FSTL5: variants seen among roughly 807,000 people sequenced by gnomAD.
FSTL5 encodes the protein follistatin like 5.
A neutral mutation model predicts 89.1 loss-of-function variants in FSTL5; 62 were observed. The observed-to-expected ratio is 0.70, with a 90% CI of 0.57 to 0.86. The LOEUF (loss-of-function observed/expected upper bound fraction) is 0.86, where lower values mean the gene tolerates loss of function less well. FSTL5 is among the 40% of genes least tolerant of loss of function. The probability of loss-of-function intolerance (pLI) is 0.00; values close to 1 mark genes in which losing one functional copy is unlikely to be tolerated. For synonymous variants in FSTL5, 383 were observed against 346.2 expected, an observed-to-expected ratio of 1.11 and a Z score of -1.18; for missense variants, 1,057 against 1,001.6, an observed-to-expected ratio of 1.06 and a Z score of -0.75.
chr4:161,728,014 C>T (rs1739477800), intron 6 of FSTL5, among the ~76,000 whole-genome samples: 1 of 152,046 alleles, frequency 6.6e-6, no homozygotes, highest in Non-Finnish European at 1.5e-5. Context: ...ATGGAAAAGT[C>T]CAAATGTGTT....
At chr4:161,879,967 T>C (rs1462332597) in intron 4 of FSTL5, among the ~76,000 whole-genome samples, 1 of 152,216 alleles carries the variant, frequency 6.6e-6, no homozygotes, top group Non-Finnish European at 1.5e-5. Flanking sequence ...CTCTTAAATG[T>C]TAATTTGAAT....
intron 12 of FSTL5, among the ~76,000 whole-genome samples, chr4:161,494,533 C>A (rs1729998070): frequency 6.6e-6 from 1 of 152,172 alleles, no homozygotes; most frequent in Admixed American, 6.6e-5. Flanking sequence ...AATTTCTAAT[C>A]TCAGTTTCAA....
chr4:161,775,997 G>T lies in FSTL5; in HGVS notation c.487C>A (p.Gln163Lys). The T allele has an allele frequency of 6.3e-6, 10 of 1,594,910 alleles. No homozygotes were observed. Among genetic ancestry groups the T allele is most frequent in the Non-Finnish European group, 8.6e-6 (10 of 1,166,348 alleles). Residue 163 changes from glutamine (Q) to lysine (K), a missense_variant, in exon 5 of 16, where the codon CAA becomes AAA. Transcript: ENST00000306100. ...TCGCCATTAGGATTTTCATTTTCTTGCATAATATATTTTTGATTTTGTAAA... is the reference window on the plus strand; with the variant it reads ...TCGCCATTAGGATTTTCATTTTCTTTCATAATATATTTTTGATTTTGTAAA... ...LDLQNQKYIM[Q>K]ENENPNGDDI... is the part of the protein sequence containing the mutation.
At chr4:161,547,243 T>C (rs1265393389) in intron 8 of FSTL5, among the ~76,000 whole-genome samples, 2 of 152,012 alleles carry the variant, frequency 1.3e-5, no homozygotes, top group Non-Finnish European at 2.9e-5. Context: ...AACATGTTGA[T>C]TGAAATCTCA....
At chr4:161,978,167 T>C in intron 3 of FSTL5, among the ~76,000 whole-genome samples, 1 of 152,314 alleles carries the variant, frequency 6.6e-6, no homozygotes, top group East Asian at 1.9e-4. Context: ...CAAATCATAA[T>C]AATTTTCTAG....
intron 1 of FSTL5, among the ~76,000 whole-genome samples, chr4:162,155,928 T>C (rs1733451428): frequency 6.6e-6 from 1 of 152,144 alleles, no homozygotes; most frequent in African/African-American, 2.4e-5. Context: ...ATGTAAAAAT[T>C]AGAGATCTAA....
At chr4:161,825,048 T>A (rs1730623603) in intron 4 of FSTL5, among the ~76,000 whole-genome samples, 1 of 152,176 alleles carries the variant, frequency 6.6e-6, no homozygotes, top group Non-Finnish European at 1.5e-5. Flanking sequence ...TGGCTTTTAT[T>A]ACATTAAAGT....
chr4:162,153,663 T>TAATATATTATATATGTATATAATA, intron 1 of FSTL5, among the ~76,000 whole-genome samples: 1 of 135,778 alleles, frequency 7.4e-6, no homozygotes, highest in Non-Finnish European at 1.6e-5. Flanking sequence ...ATGTATATAA[T>TAATATATTATATATGTATATAATA]ATATGTATAT....
chr4:161,932,241 A>G (rs1000658735), intron 3 of FSTL5, among the ~76,000 whole-genome samples: 1 of 152,044 alleles, frequency 6.6e-6, no homozygotes, highest in African/African-American at 2.4e-5. Flanking sequence ...ATTCTTTTCA[A>G]CTGAAGCAAC....
intron 7 of FSTL5, among the ~76,000 whole-genome samples, chr4:161,605,716 G>A (rs988478893): frequency 3.3e-5 from 5 of 152,146 alleles, no homozygotes; most frequent in African/African-American, 1.2e-4. Flanking sequence ...CCCTTCAGTG[G>A]AGAACCATTT....
chr4:161,470,977 G>A (rs562588066), intron 13 of FSTL5, among the ~76,000 whole-genome samples: 1 of 152,250 alleles, frequency 6.6e-6, no homozygotes, highest in Admixed American at 6.5e-5. Context: ...TTCTAATAGT[G>A]TTTTGCGTAA....
intron 4 of FSTL5, among the ~76,000 whole-genome samples, chr4:161,810,996 TC>T (rs1360239358): frequency 7.2e-5 from 11 of 152,188 alleles, no homozygotes; most frequent in Non-Finnish European, 1.2e-4. Context: ...ATGAATTTCC[TC>T]CTTTAATCTT....
chr4:162,137,023 T>C (rs1310519978), intron 1 of FSTL5, among the ~76,000 whole-genome samples: 1 of 151,998 alleles, frequency 6.6e-6, no homozygotes, highest in Non-Finnish European at 1.5e-5. Context: ...CAGTTACATA[T>C]AGTGGGTATT....
chr4:161,827,336 C>T (rs1423616575), intron 4 of FSTL5, among the ~76,000 whole-genome samples: 5 of 152,238 alleles, frequency 3.3e-5, no homozygotes, highest in Non-Finnish European at 5.9e-5. Flanking sequence ...ATAACAGCAT[C>T]TGCTCTGGTG....
intron 3 of FSTL5, among the ~76,000 whole-genome samples, chr4:162,022,438 A>T (rs1689035273): frequency 6.6e-6 from 1 of 152,092 alleles, no homozygotes; most frequent in Admixed American, 6.6e-5. Flanking sequence ...ACAATTTATT[A>T]AAAATTATAA....
chr4:161,483,088 A>G (rs576901465), intron 12 of FSTL5, among the ~76,000 whole-genome samples: 10 of 152,314 alleles, frequency 6.6e-5, no homozygotes, highest in Admixed American at 3.9e-4. Context: ...AGGCAGCCCA[A>G]AGGCAGAAGT....
At chr4:161,661,893 A>T (rs970443343) in intron 6 of FSTL5, among the ~76,000 whole-genome samples, 1 of 152,206 alleles carries the variant, frequency 6.6e-6, no homozygotes, top group South Asian at 2.1e-4. Context: ...AATACAAATC[A>T]TTTATTCTTA....
intron 11 of FSTL5, among the ~76,000 whole-genome samples, chr4:161,507,324 G>C (rs10010248): frequency 1.3e-5 from 2 of 151,396 alleles, no homozygotes; most frequent in Admixed American, 1.3e-4. Context: ...TTAATTATAC[G>C]TATCATAAAT....
chr4:161,854,818 A>G (rs1322165436), intron 4 of FSTL5, among the ~76,000 whole-genome samples: 1 of 152,062 alleles, frequency 6.6e-6, no homozygotes, highest in Non-Finnish European at 1.5e-5. Flanking sequence ...TTTTAAGGTT[A>G]AACTTATATT....
Sources: gnomAD v4.1 joint callset for allele counts (sites outside exome capture counted in the v4.1 genomes callset) on GRCh38, gnomAD v4.1.1 for gene constraint, MANE v1.5 for transcripts, NCBI Gene and HGNC (gene_info 2026-07-23, HGNC 2026-07-21) for gene names.